The following PPRC1 variants were observed in gnomAD, a reference collection of about 807,000 sequenced individuals.
PPRC1 encodes PPARG related coactivator 1.
In PPRC1, 23 loss-of-function variants were observed where a neutral mutation model predicts 132.5. The observed-to-expected ratio is 0.17, with a 90% CI of 0.12 to 0.25. The LOEUF (loss-of-function observed/expected upper bound fraction) is 0.25. Ranked by LOEUF, PPRC1 falls within the 10% of genes least tolerant of loss-of-function variation. PPRC1 has a pLI of 1.00. For synonymous variants in PPRC1, 872 were observed against 833.5 expected (o/e 1.05, Z -0.80); for missense variants, 2,006 against 2,089.1 (o/e 0.96, Z 0.78).
In PPRC1 at chr10:102,144,357, C is replaced by T. The variant is rs745948131; in HGVS notation, c.3608+50C>T. ...TACCCTACAGCTGTTAGTCAGCAGC[C>T]GGCTGACACTCCAGGACTGTCAACT... On this transcript the variant is annotated intron_variant, in intron 7 of 13. Coordinates refer to ENST00000278070, the MANE Select transcript of PPRC1 (RefSeq NM_015062.5). 1.5e-5 allele frequency: 24 copies of T among 1,561,256 alleles called. No homozygotes were observed. In the Middle Eastern group the frequency reaches 6.4e-4, roughly 42 times the overall value.
the PPRC1 span, among the ~76,000 whole-genome samples, chr10:102,126,250 G>A: frequency 6.6e-6 from 1 of 152,076 alleles, no homozygotes; most frequent in South Asian, 2.1e-4. Context: ...GCTGAAGAGG[G>A]AGGATCACTT....
chr10:102,136,769 T>C (rs554733014), intron 1 of PPRC1, among the ~76,000 whole-genome samples: 5 of 152,302 alleles, frequency 3.3e-5, no homozygotes, highest in Non-Finnish European at 7.4e-5. Context: ...GGGGGACTAC[T>C]GTAGTGGAGA....
At chr10:102,127,377 AAAAT>A in the PPRC1 span, among the ~76,000 whole-genome samples, 2 of 147,336 alleles carry the variant, frequency 1.4e-5, no homozygotes, top group African/African-American at 5.4e-5. Context: ...CCGTCTCAAA[AAAAT>A]AAATAAAATA....
At chr10:102,142,521 C>G (rs545771854) in intron 5 of PPRC1, among the ~76,000 whole-genome samples, 1 of 144,196 alleles carries the variant, frequency 6.9e-6, no homozygotes, top group South Asian at 2.2e-4. Flanking sequence ...CGGGTTCAAG[C>G]GATTCTCCTG....
chr10:102,127,020 CATATATATATATATATATATATATATAT>C, the PPRC1 span, among the ~76,000 whole-genome samples: 13 of 87,950 alleles, frequency 1.5e-4, 1 homozygote, highest in East Asian at 1.2e-3. Flanking sequence ...GGTTTTTTAT[CATATATATATATATATATATATATATAT>C]ATATATATAT....
In PPRC1 at chr10:102,148,450, ATCC is replaced by A. The variant is rs1452383963; in HGVS notation, c.4482_4484del (p.Ser1499del). 1.2e-6 allele frequency: 2 copies of A among 1,611,330 alleles called. No homozygotes were observed. The highest frequency in any genetic ancestry group is 8.5e-7 in the Non-Finnish European group (1 of 1,177,564). ...CATCATCTTCCTCTTCGTCTTCCTC[ATCC>A]TCATCATCCAGTTCTCGAAGCCGCT... On this transcript the variant is annotated inframe_deletion, in exon 10 of 14. Transcript: ENST00000278070. This position sits in a 1 kb window ranked among gnomAD's most constrained non-coding sequence, Gnocchi z 4.2.
the PPRC1 span, among the ~76,000 whole-genome samples, chr10:102,122,538 G>A: frequency 6.7e-6 from 1 of 150,310 alleles, no homozygotes; most frequent in African/African-American, 2.5e-5. Flanking sequence ...ATTTGAGATG[G>A]TTTGGAGGAG....
chr10:102,137,264 A>G (rs1268868306), intron 1 of PPRC1, among the ~76,000 whole-genome samples: 3 of 152,130 alleles, frequency 2.0e-5, no homozygotes, highest in Admixed American at 6.6e-5. Context: ...GCTTGAACCC[A>G]GGAGACCGAA....
rs1405518301 is a variant in PPRC1 at position 102,144,548 on chromosome 10, A to T, written c.3608+241A>T. On this transcript the variant is annotated intron_variant, in intron 7 of 13. Coordinates refer to ENST00000278070, the MANE Select transcript of PPRC1 (RefSeq NM_015062.5). ...TCCAGTCGGGCTCCAAATGTCCTAG[A>T]GGTGCCTTTTATCTCCTGGCAAGTC... The T allele has an allele frequency of 1.4e-5, 8 of 565,594 alleles. No individual in the cohort carries two copies. The African/African-American group carries it at 1.5e-4, about 11-fold the overall frequency. 35.0% of individuals were successfully genotyped at this position (565,594 alleles called of 1,614,324 possible).
intron 1 of PPRC1, among the ~76,000 whole-genome samples, chr10:102,134,198 C>CT (rs2068636145): frequency 6.6e-6 from 1 of 152,112 alleles, no homozygotes; most frequent in Admixed American, 6.5e-5. Context: ...CCTCTCCTCA[C>CT]TTTTTCCTCC....
chr10:102,141,241 T>C lies in PPRC1; in HGVS notation c.2733T>C (p.Pro911=), dbSNP rs753159489. Reference sequence around the variant, plus strand: ...CATTGTCTATGGGGCCAGTACTACCTGATCCGTTTACTCACTATGCCCCCT... The same window carrying C: ...CATTGTCTATGGGGCCAGTACTACCCGATCCGTTTACTCACTATGCCCCCT... ...SLPLSMGPVL[P]DPFTHYAPLP... is the part of the protein sequence containing the mutation. The change falls in exon 5 of 14, where the codon CCT becomes CCC. Residue 911 remains proline (P), a synonymous_variant. Coordinates refer to ENST00000278070, the MANE Select transcript of PPRC1 (RefSeq NM_015062.5). 44 of 1,613,956 alleles carry C rather than the reference T, an allele frequency of 2.7e-5. 1 individual carries two copies. Among genetic ancestry groups the C allele is most frequent in the Non-Finnish European group, 3.0e-5 (35 of 1,179,974 alleles).
upstream of PPRC1, among the ~76,000 whole-genome samples, chr10:102,128,584 G>A (rs1199504837): frequency 1.3e-5 from 2 of 151,868 alleles, no homozygotes; most frequent in Non-Finnish European, 2.9e-5. Flanking sequence ...CAGAAAATAG[G>A]AGCCCCTAAG....
chr10:102,144,354 A>C (rs746963620), intron 7 of PPRC1, 47 bp downstream of exon 7: 1 of 1,567,768 alleles, frequency 6.4e-7, no homozygotes, highest in Non-Finnish European at 8.7e-7. Context: ...GTTAGTCAGC[A>C]GCCGGCTGAC....
chr10:102,126,568 C>T, the PPRC1 span, among the ~76,000 whole-genome samples: 19 of 151,454 alleles, frequency 1.3e-4, no homozygotes, highest in Non-Finnish European at 2.1e-4. Context: ...AAGCGATTCT[C>T]CTGCCTCAGC....
Position 102,147,021 on chromosome 10 carries a change from G to C in PPRC1, c.4029G>C (p.Pro1343=). 1 of 1,613,996 alleles carries C rather than the reference G, an allele frequency of 6.2e-7. No individual in the cohort carries two copies. The highest frequency in any genetic ancestry group is 8.5e-7 in the Non-Finnish European group (1 of 1,179,982). The change falls in exon 9 of 14, where the codon CCG becomes CCC. Residue 1343 remains proline, a synonymous_variant. Coordinates refer to ENST00000278070, the MANE Select transcript of PPRC1 (RefSeq NM_015062.5). ...TGTCCTTGGGCCCAGCTGCCCCTCC[G>C]CCCCCATGCATAGCTGCCTCCCGGG... ...PVLSLGPAAP[P]PPCIAASREP... is the part of the protein sequence containing the mutation.
Position 102,141,187 on chromosome 10 carries a change from C to G in PPRC1, c.2679C>G (p.Pro893=). The part of the protein sequence containing the change: ...AGGLGMPPSL[P]PPPLQPPSLP... The stretch of plus-strand genomic sequence containing the variant: ...GGCTTGGCATGCCCCCCAGTCTGCC[C>G]CCACCTCCCTTGCAGCCTCCTAGTC... Residue 893 remains proline, a synonymous_variant, in exon 5 of 14, where the codon CCC becomes CCG. Transcript: ENST00000278070. 6.2e-7 allele frequency: 1 copy of G among 1,614,068 alleles called. No individual in the cohort carries two copies. The highest frequency in any genetic ancestry group is 8.5e-7 in the Non-Finnish European group (1 of 1,179,952).
chr10:102,138,153 C>A, intron 2 of PPRC1, 115 bp downstream of exon 2: 1 of 1,069,510 alleles, frequency 9.4e-7, no homozygotes, highest in Non-Finnish European at 1.3e-6. Context: ...CCTGGGTGCC[C>A]AACCTGAATC....
At position 102,140,968 on chromosome 10, in the gene PPRC1, G is replaced by A; in HGVS notation, c.2460G>A (p.Val820=). 1 of 1,613,990 alleles carries A rather than the reference G, an allele frequency of 6.2e-7. No individual in the cohort carries two copies. Among genetic ancestry groups the A allele is most frequent in the Non-Finnish European group, 8.5e-7 (1 of 1,180,006 alleles). The change falls in exon 5 of 14, where the codon GTG becomes GTA. Residue 820 remains valine, a synonymous_variant. Coordinates refer to ENST00000278070, the MANE Select transcript of PPRC1 (RefSeq NM_015062.5). ...AAACACCCCTTGAGATTTGCCTTGT[G>A]CCTGTAGGTCCCAGCCCTGCTTCTC... ...SPETPLEICL[V]PVGPSPASPS...
chr10:102,132,541 G>A (rs2068563047), upstream of PPRC1, among the ~76,000 whole-genome samples: 1 of 152,218 alleles, frequency 6.6e-6, no homozygotes, highest in African/African-American at 2.4e-5. Flanking sequence ...TAGCAGAGAG[G>A]GCGGAGAACG....
Sources: gnomAD v4.1 joint callset for allele counts (sites outside exome capture counted in the v4.1 genomes callset) on GRCh38, gnomAD v4.1.1 for gene constraint, Gnocchi (gnomAD v3.1) non-coding constraint, MANE v1.5 for transcripts, NCBI Gene and HGNC (gene_info 2026-07-23, HGNC 2026-07-21) for gene names.